The following RSPH14 variants were observed in gnomAD, a reference collection of about 807,000 sequenced individuals.
RSPH14 encodes the protein rhabdoid tumor deletion region gene 1.
RSPH14 carries 20 observed loss-of-function variants against 26.7 expected under a neutral mutation model. That is an observed-to-expected ratio of 0.75 (90% confidence interval 0.53 to 1.09). The LOEUF is 1.09. RSPH14 is among the 50% of genes least tolerant of loss of function. The pLI is 0.00. For missense variants in RSPH14, 449 were observed against 457.2 expected (o/e 0.98, Z 0.16); for synonymous variants, 177 against 189.3 (o/e 0.93, Z 0.53).
chr22:23,174,179 G>A, the RSPH14 span, among the ~76,000 whole-genome samples: 3 of 152,084 alleles, frequency 2.0e-5, no homozygotes, highest in Non-Finnish European at 4.4e-5. Context: ...CTTTTGCTTG[G>A]GGCCTAGGAA....
the RSPH14 span, among the ~76,000 whole-genome samples, chr22:23,170,942 A>G: frequency 1.3e-5 from 2 of 151,818 alleles, no homozygotes; most frequent in African/African-American, 4.8e-5. Context: ...TGATTGGCAC[A>G]GAAGTTTTAG....
intron 4 of RSPH14, among the ~76,000 whole-genome samples, chr22:23,106,927 TC>T (rs1189769976): frequency 6.6e-6 from 1 of 151,710 alleles, no homozygotes. Flanking sequence ...CCCCACCCCC[TC>T]CACACTGCAC....
chr22:23,070,123 A>G (rs904676235), intron 4 of RSPH14, among the ~76,000 whole-genome samples: 1 of 151,530 alleles, frequency 6.6e-6, no homozygotes. Flanking sequence ...GCGCGCGCGG[A>G]GCTGCGACCC....
the RSPH14 span, chr22:23,160,984 A>G: frequency 1.2e-6 from 2 of 1,611,202 alleles, no homozygotes; most frequent in South Asian, 1.1e-5. Context: ...CAGGTCGGCA[A>G]TGGAGACCTA....
the RSPH14 span, chr22:23,162,441 C>T: frequency 2.8e-6 from 1 of 355,720 alleles, no homozygotes; most frequent in Non-Finnish European, 5.6e-6. Context: ...CCACTGCTGC[C>T]TCTCCATCCC....
At chr22:23,142,403 C>A (rs2070620792), upstream of RSPH14, among the ~76,000 whole-genome samples, 1 of 152,244 alleles carries the variant, frequency 6.6e-6, no homozygotes, top group Admixed American at 6.5e-5. Flanking sequence ...GCAACCTCCG[C>A]TCCACTCCGC....
the RSPH14 span, chr22:23,156,174 T>C: frequency 7.5e-6 from 4 of 533,824 alleles, no homozygotes; most frequent in African/African-American, 6.0e-5. Context: ...AGGCCACTGC[T>C]TGGGAACAGG....
At chr22:23,158,052 G>C in the RSPH14 span, 1 of 1,614,072 alleles carries the variant, frequency 6.2e-7, no homozygotes, top group Non-Finnish European at 8.5e-7. Context: ...AGGTAAGTCT[G>C]GGCTCTCTGG....
chr22:23,140,306 C>T lies in RSPH14; in HGVS notation c.115G>A (p.Asp39Asn), dbSNP rs2070568973. 5.6e-6 allele frequency: 9 copies of T among 1,614,178 alleles called. No individual in the cohort carries two copies. The Middle Eastern group carries it at 6.6e-4, about 118-fold the overall frequency. ...PKLKEELQSE[D>N]LQTRQKALMA... ...AGGGCTTTCTGCCTCGTCTGGAGGT[C>T]CTCTGACTGCAGCTCCTCCTTCAGC... Residue 39 changes from aspartate to asparagine, a missense_variant, in exon 2 of 7, where the codon GAC (aspartate) becomes AAC (asparagine). Coordinates refer to ENST00000216036, the MANE Select transcript of RSPH14 (RefSeq NM_014433.3).
chr22:23,115,800 A>G (rs1436201443), intron 4 of RSPH14, among the ~76,000 whole-genome samples: 2 of 152,236 alleles, frequency 1.3e-5, no homozygotes, highest in Non-Finnish European at 2.9e-5. Flanking sequence ...TATTTGAAGC[A>G]CAGTACATGA....
the RSPH14 span, among the ~76,000 whole-genome samples, chr22:23,175,971 T>C: frequency 6.6e-6 from 1 of 151,854 alleles, no homozygotes; most frequent in African/African-American, 2.4e-5. Context: ...TGCCTCTACT[T>C]CCCCCCTAGT....
At chr22:23,117,200 C>T (rs980052442) in intron 4 of RSPH14, among the ~76,000 whole-genome samples, 2 of 151,816 alleles carry the variant, frequency 1.3e-5, no homozygotes, top group Admixed American at 1.3e-4. Context: ...CTGTGCCCCA[C>T]AAACAGAGGG....
chr22:23,080,762 CAAAAGCT>C (rs2068654214), intron 4 of RSPH14, among the ~76,000 whole-genome samples: 1 of 152,218 alleles, frequency 6.6e-6, no homozygotes, highest in African/African-American at 2.4e-5. Context: ...TCAAACACTG[CAAAAGCT>C]ATTGTGATAA....
upstream of RSPH14, chr22:23,142,060 C>G (rs1413053154): frequency 1.0e-6 from 1 of 985,180 alleles, no homozygotes; most frequent in Non-Finnish European, 1.2e-6. Context: ...GCGCCGCGGT[C>G]GACATAATCA....
At chr22:23,079,917 G>A (rs976066365) in intron 4 of RSPH14, among the ~76,000 whole-genome samples, 1 of 152,180 alleles carries the variant, frequency 6.6e-6, no homozygotes, top group African/African-American at 2.4e-5. Context: ...GGGATTGTGG[G>A]ATGCCACACA....
chr22:23,179,598 CA>C, the RSPH14 span: 2 of 152,544 alleles, frequency 1.3e-5, no homozygotes, highest in Non-Finnish European at 2.9e-5. Flanking sequence ...CAAGAGAGGC[CA>C]GGGGACAAAC....
chr22:23,120,305 C>G (rs1319685238), intron 4 of RSPH14, among the ~76,000 whole-genome samples: 2 of 152,142 alleles, frequency 1.3e-5, no homozygotes, highest in Non-Finnish European at 2.9e-5. Context: ...ACGGGGGCCA[C>G]AGTCAGGAGT....
chr22:23,133,805 G>A (rs2070408708), intron 4 of RSPH14: 4 of 421,326 alleles, frequency 9.5e-6, no homozygotes, highest in Admixed American at 2.6e-5. Context: ...GGCCAGGCTG[G>A]TGTCGAACTC....
At chr22:23,137,465 A>G (rs910992973) in intron 3 of RSPH14, among the ~76,000 whole-genome samples, 8 of 151,972 alleles carry the variant, frequency 5.3e-5, no homozygotes, top group African/African-American at 1.7e-4. Context: ...TGTGGGTAGA[A>G]GAGGCAGAAG....
Sources: allele counts gnomAD v4.1 joint callset (sites outside exome capture counted in the v4.1 genomes callset), GRCh38; gene constraint gnomAD v4.1.1; transcripts MANE v1.5; gene names NCBI Gene and HGNC (gene_info 2026-07-23, HGNC 2026-07-21).